The following LTBP1 variants were observed in gnomAD, a reference collection of about 807,000 sequenced individuals.
LTBP1 encodes the protein latent transforming growth factor beta binding protein 1.
Under a neutral mutation model 207.6 loss-of-function variants are expected in LTBP1, and 129 were observed. The observed-to-expected ratio is 0.62, with a 90% CI of 0.54 to 0.72. The LOEUF is 0.72. Ranked by LOEUF, LTBP1 falls within the 30% of genes least tolerant of loss-of-function variation. LTBP1 has a pLI of 0.00. For synonymous variants in LTBP1, 963 were observed against 833.7 expected, an observed-to-expected ratio of 1.16 and a Z score of -2.67; for missense variants, 2,281 against 2,217.2, an observed-to-expected ratio of 1.03 and a Z score of -0.58.
intron 8 of LTBP1, among the ~76,000 whole-genome samples, chr2:33,219,922 A>AT (rs2090989738): frequency 6.6e-6 from 1 of 151,802 alleles, no homozygotes; most frequent in Admixed American, 6.6e-5. Flanking sequence ...GAATTGCGTC[A>AT]TTTTTATCTA....
At chr2:32,954,725 G>A (rs1677786415) in intron 2 of LTBP1, among the ~76,000 whole-genome samples, 1 of 151,952 alleles carries the variant, frequency 6.6e-6, no homozygotes, top group Admixed American at 6.6e-5. Context: ...CACATAGGTT[G>A]GAGAGATGGG....
Position 32,948,887 on chromosome 2 carries a change from T to C in LTBP1, c.507T>C (p.Cys169=), listed in dbSNP as rs1429089869. The change falls in exon 2 of 34, where the codon TGT becomes TGC. Residue 169 remains cysteine (C), a synonymous_variant. Coordinates refer to ENST00000404816, the MANE Select transcript of LTBP1 (RefSeq NM_206943.4). The stretch of plus-strand genomic sequence containing the variant: ...TGCTTTGTTTCAGGGTCAATGTCTG[T>C]GGAGGGCGGTGCTGTCATGGCTGGA... ...QKQQLQGVNV[C]GGRCCHGWSK... is the part of the protein sequence containing the mutation. The C allele has an allele frequency of 3.1e-6, 5 of 1,614,124 alleles. No homozygotes were observed. The highest frequency in any genetic ancestry group is 4.2e-6 in the Non-Finnish European group (5 of 1,180,004).
chr2:33,174,666 C>T (rs1313535308), intron 5 of LTBP1, among the ~76,000 whole-genome samples: 1 of 152,096 alleles, frequency 6.6e-6, no homozygotes, highest in Admixed American at 6.6e-5. Context: ...CTTTAAAGTT[C>T]ATATGGAACC....
chr2:33,342,806 T>G, intron 24 of LTBP1, 32 bp from the exon 25 acceptor site: 4 of 1,608,784 alleles, frequency 2.5e-6, no homozygotes, highest in Non-Finnish European at 3.4e-6. Flanking sequence ...CTGTGTTTGT[T>G]TTGTGTCTGA....
At chr2:33,100,306 G>C (rs2079643949) in intron 3 of LTBP1, among the ~76,000 whole-genome samples, 1 of 152,064 alleles carries the variant, frequency 6.6e-6, no homozygotes, top group African/African-American at 2.4e-5. Flanking sequence ...ATACCTAGCT[G>C]CTACTCCAGA....
At position 33,250,547 on chromosome 2, in the gene LTBP1, C is replaced by A. The variant is rs536480047; in HGVS notation, c.2000-2130C>A. The stretch of plus-strand genomic sequence containing the variant: ...ATTAGCTGGGAGCCTGGGGAGGCTC[C>A]CCAGTGTGAGGAAAGGGTAGATGAG... On this transcript the variant is annotated intron_variant, in intron 10 of 33. Transcript: ENST00000404816. 2.0e-5 allele frequency among the ~76,000 whole-genome samples: 3 copies of A among 152,156 alleles called. No homozygotes were observed. The South Asian group carries it at 6.2e-4, about 32-fold the overall frequency.
intron 5 of LTBP1, among the ~76,000 whole-genome samples, chr2:33,155,296 C>G (rs2083883421): frequency 6.8e-6 from 1 of 147,720 alleles, no homozygotes; most frequent in Non-Finnish European, 1.5e-5. Context: ...GAACTCCCGA[C>G]CGACCTCATG....
chr2:33,332,674 A>G (rs2094510183), intron 24 of LTBP1, among the ~76,000 whole-genome samples: 1 of 151,840 alleles, frequency 6.6e-6, no homozygotes, highest in African/African-American at 2.4e-5. Flanking sequence ...CTCCTGCCTC[A>G]GCCTCCCAAG....
chr2:33,174,852 G>A (rs1161583085), intron 5 of LTBP1, among the ~76,000 whole-genome samples: 20 of 151,676 alleles, frequency 1.3e-4, no homozygotes, highest in Non-Finnish European at 1.8e-4. Flanking sequence ...AAATAACGCC[G>A]CATATCTACA....
rs1300593105 is a variant in LTBP1 at position 32,947,217 on chromosome 2, G to C, written c.-108G>C. Reference sequence around the variant, plus strand: ...CTTGGTCTCCTCCCGCCTTTCCCGGGCTCTCGGCAGCTCTCGGGGGAGCCC... The same window carrying C: ...CTTGGTCTCCTCCCGCCTTTCCCGGCCTCTCGGCAGCTCTCGGGGGAGCCC... On this transcript the variant is annotated 5_prime_UTR_variant, in exon 1 of 34. Transcript: ENST00000404816. The C allele has an allele frequency of 2.4e-6, 2 of 850,598 alleles. No homozygotes were observed. The highest frequency in any genetic ancestry group is 1.8e-5 in the African/African-American group (1 of 56,352). 52.7% of individuals were successfully genotyped at this position (850,598 alleles called of 1,614,324 possible).
At chr2:33,282,381 G>A (rs1251103498) in intron 19 of LTBP1, among the ~76,000 whole-genome samples, 2 of 152,044 alleles carry the variant, frequency 1.3e-5, no homozygotes, top group African/African-American at 2.4e-5. Context: ...TGTTCATATT[G>A]GACTTGCAGC....
chr2:33,142,124 T>C (rs1383674531), intron 5 of LTBP1, among the ~76,000 whole-genome samples: 1 of 152,124 alleles, frequency 6.6e-6, no homozygotes, highest in Non-Finnish European at 1.5e-5. Flanking sequence ...GGATCTCGGC[T>C]CACTGCAAGC....
chr2:33,343,030 A>G, intron 25 of LTBP1, 67 bp downstream of exon 25: 1 of 1,528,680 alleles, frequency 6.5e-7, no homozygotes, highest in East Asian at 2.3e-5. Context: ...ACAGTGAACA[A>G]CAGGAGCTTT....
chr2:33,023,057 T>C (rs908965717), intron 3 of LTBP1, among the ~76,000 whole-genome samples: 2 of 152,180 alleles, frequency 1.3e-5, no homozygotes, highest in Non-Finnish European at 2.9e-5. Flanking sequence ...AGAACATGAA[T>C]ATAACTGTGT....
At chr2:33,396,400 T>C (rs2095358520) in intron 32 of LTBP1, among the ~76,000 whole-genome samples, 1 of 152,112 alleles carries the variant, frequency 6.6e-6, no homozygotes, top group African/African-American at 2.4e-5. Flanking sequence ...TTCTGTATTT[T>C]TAGTAGAGAC....
chr2:32,961,420 T>C (rs1679090463), intron 2 of LTBP1, among the ~76,000 whole-genome samples: 1 of 152,234 alleles, frequency 6.6e-6, no homozygotes, highest in Admixed American at 6.5e-5. Context: ...TAAAAAAATG[T>C]TCAATCCTTT....
intron 3 of LTBP1, among the ~76,000 whole-genome samples, chr2:33,064,003 G>A (rs577645565): frequency 3.8e-4 from 57 of 151,872 alleles, no homozygotes; most frequent in Non-Finnish European, 6.8e-4. Flanking sequence ...ACAGGCACCC[G>A]CCACCATGCC....
chr2:33,174,576 A>C (rs1409354288), intron 5 of LTBP1, among the ~76,000 whole-genome samples: 2 of 152,230 alleles, frequency 1.3e-5, no homozygotes, highest in South Asian at 4.2e-4. Flanking sequence ...AAATGGCCAT[A>C]CTGCCCAAGG....
chr2:33,256,073 C>A (rs1251794632), intron 11 of LTBP1, among the ~76,000 whole-genome samples: 1 of 150,990 alleles, frequency 6.6e-6, no homozygotes, highest in Non-Finnish European at 1.5e-5. Flanking sequence ...TGTGCTGAGT[C>A]TACTTTTTTT....
Sources: gnomAD v4.1 joint callset for allele counts (sites outside exome capture counted in the v4.1 genomes callset) on GRCh38, gnomAD v4.1.1 for gene constraint, MANE v1.5 for transcripts, NCBI Gene and HGNC (gene_info 2026-07-23, HGNC 2026-07-21) for gene names.